Variants in PARP4 observed in about 807,000 individuals in gnomAD.
PARP4 encodes the protein protein mono-ADP-ribosyltransferase PARP4.
In PARP4, 120 loss-of-function variants were observed where a neutral mutation model predicts 187.7. That is an observed-to-expected ratio of 0.64 (90% CI 0.55 to 0.74). The LOEUF (loss-of-function observed/expected upper bound fraction) is 0.74, where lower values mean the gene tolerates loss of function less well. Among genes scored for constraint, PARP4 ranks in the 30% least tolerant of loss-of-function variants. The pLI, the probability that PARP4 is intolerant of heterozygous loss-of-function variation, is 0.00. For missense variants in PARP4, 1,836 were observed against 2,070.5 expected (o/e 0.89, Z 2.20); for synonymous variants, 654 against 740.9 (o/e 0.88, Z 1.90).
chr13:24,494,481 C>T, intron 7 of PARP4, 92 bp downstream of exon 7: 1 of 1,197,868 alleles, frequency 8.3e-7, no homozygotes, highest in African/African-American at 1.5e-5. Flanking sequence ...GCATGAGCCA[C>T]GAAGCCTGGC....
chr13:24,441,965 C>T lies in PARP4; in HGVS notation c.3547G>A (p.Glu1183Lys), dbSNP rs1287354793. Residue 1183 changes from glutamate to lysine, a missense_variant, in exon 30 of 34, where the codon GAG (glutamate) becomes AAG (lysine). Physicochemically the swap from Glu to Lys is moderately conservative, Grantham distance 56. Transcript: ENST00000381989. ...TSFVAVEKRD[E>K]NESPFPDIPK... ...ATATCAGGAAAAGGCGACTCATTCT[C>T]ATCCTATATTGAATCACAAATAGAT... 2 of 1,595,838 alleles carry T rather than the reference C, an allele frequency of 1.3e-6. No individual in the cohort carries two copies. Among genetic ancestry groups the T allele is most frequent in the East Asian group, 2.2e-5 (1 of 44,706 alleles).
chr13:24,455,018 T>A lies in PARP4; in HGVS notation c.2757A>T (p.Thr919=). Residue 919 remains threonine, a splice_region_variant and synonymous_variant, in exon 22 of 34, where the codon ACA becomes ACT. Coordinates refer to ENST00000381989, the MANE Select transcript of PARP4 (RefSeq NM_006437.4). Reference sequence around the variant, plus strand: ...GGACCAGGGCCAAAGCGCACTCACCTGTGCCGAACTGGATAATATTTACTT... The same window carrying A: ...GGACCAGGGCCAAAGCGCACTCACCAGTGCCGAACTGGATAATATTTACTT... ...KQKVNIIQFG[T]GYKELFSYPK... is the part of the protein sequence containing the mutation. The A allele has an allele frequency of 6.3e-7, 1 of 1,588,686 alleles. No individual in the cohort carries two copies. The highest frequency in any genetic ancestry group is 1.1e-5 in the South Asian group (1 of 89,162).
intron 3 of PARP4, 47 bp downstream of exon 3, chr13:24,501,586 T>C (rs773175912): frequency 7.7e-7 from 1 of 1,306,560 alleles, no homozygotes; most frequent in Non-Finnish European, 1.1e-6. Flanking sequence ...CCCAAGCGTG[T>C]ACTATGGCAC....
At chr13:24,426,204 C>T (rs1870040894) in intron 33 of PARP4, among the ~76,000 whole-genome samples, 1 of 152,294 alleles carries the variant, frequency 6.6e-6, no homozygotes, top group Non-Finnish European at 1.5e-5. Context: ...AAGAGTACCA[C>T]ATCCAGAGCC....
chr13:24,508,752 G>T (rs1593663976), intron 1 of PARP4, among the ~76,000 whole-genome samples: 1 of 152,116 alleles, frequency 6.6e-6, no homozygotes, highest in East Asian at 1.9e-4. Flanking sequence ...AACCTTAAGT[G>T]ATCTGCACAC....
chr13:24,453,757 ATAT>A (rs1400206531), intron 22 of PARP4, 103 bp from the exon 23 acceptor site: 1 of 711,954 alleles, frequency 1.4e-6, no homozygotes, highest in Non-Finnish European at 2.5e-6. Flanking sequence ...GTTGTAAAGG[ATAT>A]TATATATTTA....
At chr13:24,427,561 A>G (rs1351945058) in intron 32 of PARP4, among the ~76,000 whole-genome samples, 1 of 152,170 alleles carries the variant, frequency 6.6e-6, no homozygotes, top group Non-Finnish European at 1.5e-5. Context: ...GGAAGAAAAG[A>G]AAAACCCAAA....
At chr13:24,457,561 C>T (rs892140245) in intron 20 of PARP4, among the ~76,000 whole-genome samples, 46 of 152,196 alleles carry the variant, frequency 3.0e-4, no homozygotes, top group African/African-American at 1.1e-3. Flanking sequence ...CACCTGAGGT[C>T]AGGAGTTTGA....
chr13:24,476,611 T>A (rs1872999499), intron 14 of PARP4, among the ~76,000 whole-genome samples: 1 of 152,218 alleles, frequency 6.6e-6, no homozygotes, highest in South Asian at 2.1e-4. Flanking sequence ...ATACATATTG[T>A]CTTGCCAGAT....
rs527409211 is a variant in PARP4, at chr13:24,509,053, T to C, written c.-2+3653A>G. On this transcript the variant is annotated intron_variant, in intron 1 of 33. Transcript: ENST00000381989. ...TTGTTTCCATCTCCAACAATCATCT[T>C]AGAAAATAATACTCAACTAGAACTA... Among the ~76,000 whole-genome samples, 142 of 152,322 alleles carry C rather than the reference T, an allele frequency of 9.3e-4. 1 individual carries two copies. Among genetic ancestry groups the C allele is most frequent in the African/African-American group, 3.3e-3 (136 of 41,574 alleles).
At chr13:24,500,556 G>A (rs1218608884) in intron 3 of PARP4, among the ~76,000 whole-genome samples, 174 bp from the exon 4 acceptor site, 1 of 134,402 alleles carries the variant, frequency 7.4e-6, no homozygotes, top group East Asian at 2.0e-4. Flanking sequence ...TATAAAATAG[G>A]GAGAACATAC....
At chr13:24,459,525 G>A (rs1872075945) in intron 18 of PARP4, 1 of 359,600 alleles carries the variant, frequency 2.8e-6, no homozygotes, top group Admixed American at 6.6e-5. Flanking sequence ...ACATATGTCT[G>A]TGTGTATACA....
chr13:24,484,588 G>C, intron 12 of PARP4, 65 bp downstream of exon 12: 1 of 1,100,240 alleles, frequency 9.1e-7, no homozygotes, highest in South Asian at 1.3e-5. Flanking sequence ...CCTCACCAAG[G>C]AAAGACAGAA....
chr13:24,433,244 C>T, intron 31 of PARP4, among the ~76,000 whole-genome samples: 1 of 152,176 alleles, frequency 6.6e-6, no homozygotes, highest in East Asian at 1.9e-4. Context: ...TGCAACGTGT[C>T]CTTTTGACCT....
intron 1 of PARP4, among the ~76,000 whole-genome samples, chr13:24,510,647 C>T (rs1869966763): frequency 6.6e-6 from 1 of 151,514 alleles, no homozygotes; most frequent in Non-Finnish European, 1.5e-5. Context: ...GTCATAGTTT[C>T]CCTAGAGTTG....
At position 24,459,995 on chromosome 13, in the gene PARP4, T is replaced by C; in HGVS notation, c.2275A>G (p.Lys759Glu). ...PATVAPWQQDKALNENLQDTV... is the reference protein window; with the variant it reads ...PATVAPWQQDEALNENLQDTV... ...ACCTGAAGGTTTTCATTCAAAGCCT[T>C]GTCCTGTTGCCAGGGTGCTACGGTG... is the stretch of plus-strand genomic sequence containing the variant. Residue 759 changes from lysine to glutamate, a missense_variant, in exon 18 of 34, where the codon AAG becomes GAG. Lys to Glu is a moderately conservative substitution (Grantham distance 56). Transcript: ENST00000381989. The C allele has an allele frequency of 6.2e-7, 1 of 1,614,080 alleles. No homozygotes were observed. The highest frequency in any genetic ancestry group is 1.1e-5 in the South Asian group (1 of 91,068).
intron 9 of PARP4, among the ~76,000 whole-genome samples, chr13:24,491,769 G>C (rs1420686361): frequency 6.6e-6 from 1 of 152,172 alleles, no homozygotes; most frequent in African/African-American, 2.4e-5. Flanking sequence ...GCCCATTTCT[G>C]AGCAGCCACA....
chr13:24,431,631 G>A (rs1325798113), intron 31 of PARP4, among the ~76,000 whole-genome samples, 155 bp from the exon 32 acceptor site: 10 of 152,086 alleles, frequency 6.6e-5, no homozygotes, highest in Non-Finnish European at 7.4e-5. Context: ...AGCACCACAC[G>A]GTATGCCCAT....
chr13:24,491,963 C>T (rs1288387546), intron 9 of PARP4, among the ~76,000 whole-genome samples: 1 of 152,162 alleles, frequency 6.6e-6, no homozygotes, highest in Non-Finnish European at 1.5e-5. Flanking sequence ...AGAGCAGAGC[C>T]GTCACTCTAC....
Sources: gnomAD v4.1 joint callset for allele counts (sites outside exome capture counted in the v4.1 genomes callset) on GRCh38, gnomAD v4.1.1 for gene constraint, MANE v1.5 for transcripts, NCBI Gene and HGNC (gene_info 2026-07-23, HGNC 2026-07-21) for gene names.